The following ADGRL3 variants were observed in gnomAD, a reference collection of about 807,000 sequenced individuals.
The protein encoded by ADGRL3 is adhesion G protein-coupled receptor L3.
Under a neutral mutation model 153.5 loss-of-function variants are expected in ADGRL3, and 62 were observed. The ratio of observed to expected loss-of-function variants is 0.40; its 90% confidence interval spans 0.33 to 0.50. The LOEUF (loss-of-function observed/expected upper bound fraction) is 0.50, where lower values mean the gene tolerates loss of function less well. ADGRL3 is among the 20% of genes least tolerant of loss of function. The pLI, the probability that ADGRL3 is intolerant of heterozygous loss-of-function variation, is 0.47. For synonymous variants in ADGRL3, 710 were observed against 672.5 expected, an observed-to-expected ratio of 1.06 and a Z score of -0.86; for missense variants, 1,641 against 1,859.4, an observed-to-expected ratio of 0.88 and a Z score of 2.16.
intron 1 of ADGRL3, among the ~76,000 whole-genome samples, chr4:61,234,446 C>A (rs1258043983): frequency 1.3e-5 from 2 of 152,060 alleles, no homozygotes; most frequent in Admixed American, 1.3e-4. Flanking sequence ...CTGGTAGATA[C>A]AATTCAAGTT....
At chr4:61,601,844 C>A (rs1278230408) in intron 5 of ADGRL3, among the ~76,000 whole-genome samples, 1 of 152,072 alleles carries the variant, frequency 6.6e-6, no homozygotes, top group Non-Finnish European at 1.5e-5. Flanking sequence ...GAAGCACTAT[C>A]ATTTTAAGGT....
intron 9 of ADGRL3, among the ~76,000 whole-genome samples, chr4:61,892,236 A>G (rs2098594051): frequency 6.7e-6 from 1 of 148,336 alleles, no homozygotes; most frequent in East Asian, 2.0e-4. Flanking sequence ...AATCCATATT[A>G]CACTTCATGT....
At chr4:61,361,913 A>G (rs1203146567) in intron 1 of ADGRL3, among the ~76,000 whole-genome samples, 3 of 151,168 alleles carry the variant, frequency 2.0e-5, no homozygotes, top group Non-Finnish European at 2.9e-5. Flanking sequence ...CAAAGAAGAT[A>G]AGAAATTATG....
chr4:61,817,318 A>C (rs1308791905), intron 9 of ADGRL3, among the ~76,000 whole-genome samples: 1 of 152,184 alleles, frequency 6.6e-6, no homozygotes, highest in Non-Finnish European at 1.5e-5. Context: ...TTCTGGATGG[A>C]GTCTGTGGCC....
At chr4:61,890,860 A>T (rs943427720) in intron 9 of ADGRL3, among the ~76,000 whole-genome samples, 2 of 152,198 alleles carry the variant, frequency 1.3e-5, no homozygotes, top group Non-Finnish European at 2.9e-5. Context: ...TTTTTAAGCT[A>T]ATACTATGTA....
chr4:61,731,657 AAT>A (rs1279171060), intron 7 of ADGRL3, among the ~76,000 whole-genome samples: 1 of 152,104 alleles, frequency 6.6e-6, no homozygotes, highest in African/African-American at 2.4e-5. Context: ...GAGATTCACG[AAT>A]GTACTTAAGC....
chr4:61,850,211 A>G (rs181028270), intron 9 of ADGRL3, among the ~76,000 whole-genome samples: 4 of 152,194 alleles, frequency 2.6e-5, no homozygotes, highest in African/African-American at 9.6e-5. Flanking sequence ...TATGCTACTT[A>G]TCTCCTTTTA....
chr4:61,344,440 A>T (rs1279174112), intron 1 of ADGRL3, among the ~76,000 whole-genome samples: 1 of 152,204 alleles, frequency 6.6e-6, no homozygotes, highest in Non-Finnish European at 1.5e-5. Flanking sequence ...ACTAATTGTA[A>T]TTCTGCAGCA....
chr4:61,967,238 A>AGCC (rs1362753497), intron 17 of ADGRL3, among the ~76,000 whole-genome samples: 1 of 152,088 alleles, frequency 6.6e-6, no homozygotes, highest in Non-Finnish European at 1.5e-5. Context: ...TTTAGGCTAT[A>AGCC]TTATTGTGCA....
intron 8 of ADGRL3, among the ~76,000 whole-genome samples, chr4:61,743,682 G>A (rs1367393701): frequency 6.6e-6 from 1 of 152,156 alleles, no homozygotes; most frequent in Non-Finnish European, 1.5e-5. Context: ...GGTAGTTTGT[G>A]GTGAGGTAAA....
chr4:61,841,367 C>A (rs1179425247), intron 9 of ADGRL3, among the ~76,000 whole-genome samples: 2 of 152,106 alleles, frequency 1.3e-5, no homozygotes, highest in Non-Finnish European at 2.9e-5. Context: ...TTAGGCCTTG[C>A]AAATAGTATC....
intron 24 of ADGRL3, among the ~76,000 whole-genome samples, chr4:62,043,622 T>C (rs1582030922): frequency 6.6e-6 from 1 of 152,240 alleles, no homozygotes; most frequent in East Asian, 1.9e-4. Context: ...ATGTTTCTTA[T>C]AACTATTTCA....
In ADGRL3 at chr4:61,345,522, C is replaced by T. The variant is rs1156675746; in HGVS notation, c.-239-37602C>T. On this transcript the variant is annotated intron_variant, in intron 1 of 26. Transcript: ENST00000683033. The stretch of plus-strand genomic sequence containing the variant: ...AGTGTTTTGTAAGACAAACAAAAAA[C>T]TCATGTTAACTTAATAGCAAAAGCT... 2.0e-5 allele frequency among the ~76,000 whole-genome samples: 3 copies of T among 152,074 alleles called. No individual in the cohort carries two copies. In the East Asian group the frequency reaches 5.8e-4, roughly 29 times the overall value.
At chr4:61,284,169 C>T (rs1181376455) in intron 1 of ADGRL3, among the ~76,000 whole-genome samples, 1 of 151,888 alleles carries the variant, frequency 6.6e-6, no homozygotes, top group African/African-American at 2.4e-5. Flanking sequence ...CAAACAACTG[C>T]CCAAACATGC....
chr4:61,367,337 C>T (rs1442080568), intron 1 of ADGRL3, among the ~76,000 whole-genome samples: 3 of 151,936 alleles, frequency 2.0e-5, no homozygotes, highest in Non-Finnish European at 4.4e-5. Context: ...GCTGCACCCA[C>T]TAACTCATCA....
chr4:61,948,795 T>C (rs1402480559), intron 17 of ADGRL3, among the ~76,000 whole-genome samples: 3 of 152,028 alleles, frequency 2.0e-5, no homozygotes, highest in Non-Finnish European at 4.4e-5. Flanking sequence ...TAAGGAAAAA[T>C]CCAGATGATA....
At chr4:61,991,180 A>C (rs1005769030) in intron 19 of ADGRL3, among the ~76,000 whole-genome samples, 1 of 151,960 alleles carries the variant, frequency 6.6e-6, no homozygotes, top group African/African-American at 2.4e-5. Flanking sequence ...CATGATCAGC[A>C]ACGTTGTTTT....
At chr4:61,695,877 T>TAA (rs754348359) in intron 6 of ADGRL3, among the ~76,000 whole-genome samples, 2 of 152,188 alleles carry the variant, frequency 1.3e-5, no homozygotes, top group Non-Finnish European at 2.9e-5. Flanking sequence ...TTTTGTACTT[T>TAA]TATGTTATGG....
At chr4:61,921,738 C>A (rs2098770341) in intron 13 of ADGRL3, among the ~76,000 whole-genome samples, 1 of 152,132 alleles carries the variant, frequency 6.6e-6, no homozygotes, top group Admixed American at 6.6e-5. Flanking sequence ...CCAGAGAAGA[C>A]TATTTTTACT....
Sources: allele counts gnomAD v4.1 joint callset (sites outside exome capture counted in the v4.1 genomes callset), GRCh38; gene constraint gnomAD v4.1.1; transcripts MANE v1.5; gene names NCBI Gene and HGNC (gene_info 2026-07-23, HGNC 2026-07-21).